Variants in PDE8B observed in about 807,000 individuals in gnomAD.
The protein encoded by PDE8B is high affinity cAMP-specific and IBMX-insensitive 3',5'-cyclic phosphodiesterase 8B.
In PDE8B, 26 loss-of-function variants were observed where a neutral mutation model predicts 101.3. That is an observed-to-expected ratio of 0.26 (90% CI 0.19 to 0.36). PDE8B has a LOEUF of 0.36. PDE8B is among the 10% of genes least tolerant of loss of function. The pLI is 1.00. For missense variants in PDE8B, 810 were observed against 1,163.1 expected (o/e 0.70, Z 4.42); for synonymous variants, 424 against 429.3 (o/e 0.99, Z 0.15).
intron 10 of PDE8B, among the ~76,000 whole-genome samples, chr5:77,398,365 A>T (rs760705460): frequency 2.3e-5 from 3 of 129,684 alleles, no homozygotes; most frequent in Non-Finnish European, 4.6e-5. Flanking sequence ...TCTGTTGCCC[A>T]GGCTGGAGTG....
chr5:77,322,429 T>C (rs1466185117), intron 2 of PDE8B, among the ~76,000 whole-genome samples: 1 of 152,166 alleles, frequency 6.6e-6, no homozygotes, highest in Non-Finnish European at 1.5e-5. Context: ...CCATGTGAAA[T>C]CCAGTTTTGT....
chr5:77,117,362 T>C, the PDE8B span, among the ~76,000 whole-genome samples: 1 of 152,200 alleles, frequency 6.6e-6, no homozygotes, highest in South Asian at 2.1e-4. Context: ...ATGTTCAGGA[T>C]GAGGAAGTCA....
chr5:77,408,811 C>A (rs913312208), intron 13 of PDE8B, 82 bp from the exon 14 acceptor site: 5 of 1,115,840 alleles, frequency 4.5e-6, no homozygotes, highest in East Asian at 2.4e-5. Context: ...CCACTGATTT[C>A]TTTTGGATTC....
chr5:77,331,373 G>A (rs1344921988), intron 4 of PDE8B, 29 bp from the exon 5 acceptor site: 12 of 1,604,776 alleles, frequency 7.5e-6, no homozygotes, highest in Non-Finnish European at 9.4e-6. Context: ...TGTATCTGCT[G>A]AGTGACCACA....
the PDE8B span, among the ~76,000 whole-genome samples, chr5:77,196,342 T>C: frequency 6.6e-6 from 1 of 152,198 alleles, no homozygotes. Context: ...TAAGAAACTA[T>C]TGTCAAATCC....
chr5:77,423,151 G>A (rs116727516), intron 20 of PDE8B, among the ~76,000 whole-genome samples: 64 of 152,278 alleles, frequency 4.2e-4, no homozygotes, highest in African/African-American at 1.3e-3. Context: ...TTAGGATAAT[G>A]GCCTCCAGCT....
In PDE8B at chr5:77,324,208, T is replaced by C. The variant is rs568835666; in HGVS notation, c.400-1331T>C. 2.2e-3 allele frequency among the ~76,000 whole-genome samples: 335 copies of C among 152,322 alleles called. 4 individuals are homozygous for C. The highest frequency in any genetic ancestry group is 7.8e-3 in the African/African-American group (325 of 41,566). ...TTGAGATTACTATAGGTTTTTCTTATTAGATCTATTGCTGGGAGGTGGTTT... is the reference window on the plus strand; with the variant it reads ...TTGAGATTACTATAGGTTTTTCTTACTAGATCTATTGCTGGGAGGTGGTTT... On this transcript the variant is annotated intron_variant, in intron 2 of 21. Coordinates refer to ENST00000264917, the MANE Select transcript of PDE8B (RefSeq NM_003719.5).
intron 1 of PDE8B, among the ~76,000 whole-genome samples, chr5:77,252,893 G>T: frequency 6.6e-6 from 1 of 151,956 alleles, no homozygotes; most frequent in Non-Finnish European, 1.5e-5. Context: ...TTTCTATTTC[G>T]ACCCTTCCAT....
At chr5:77,379,264 G>GA (rs1786987074) in intron 10 of PDE8B, among the ~76,000 whole-genome samples, 2 of 152,144 alleles carry the variant, frequency 1.3e-5, no homozygotes, top group South Asian at 4.1e-4. Context: ...TCTAACAGCA[G>GA]AAGAAGATAA....
chr5:77,243,711 AT>A (rs1375527172), intron 1 of PDE8B, among the ~76,000 whole-genome samples: 4 of 152,222 alleles, frequency 2.6e-5, no homozygotes, highest in Admixed American at 2.6e-4. Flanking sequence ...GTGTTCTACT[AT>A]ATGGATAGGA....
Position 77,404,810 on chromosome 5 carries a change from T to G in PDE8B, c.1288+13T>G, listed in dbSNP as rs2151035834. 1 of 1,523,554 alleles carries G rather than the reference T, an allele frequency of 6.6e-7. No individual in the cohort carries two copies. The highest frequency in any genetic ancestry group is 2.3e-5 in the East Asian group (1 of 44,356). The allele number at this position is 1,523,554 out of a possible 1,614,324, so 94.4% of individuals were successfully genotyped here. A position where few individuals can be genotyped will look rare whatever the true frequency, so the allele number is the denominator to read the frequency against. On this transcript the variant is annotated intron_variant, in intron 12 of 21. Coordinates refer to ENST00000264917, the MANE Select transcript of PDE8B (RefSeq NM_003719.5). ...CGAGGCAGTGATGGTAAGATGTTTT[T>G]CAGATTCCTCTGACCTTTTTAAAAT...
intron 1 of PDE8B, among the ~76,000 whole-genome samples, chr5:77,236,000 C>T (rs1458975686): frequency 6.6e-6 from 1 of 152,160 alleles, no homozygotes; most frequent in Non-Finnish European, 1.5e-5. Context: ...CAGGAAGTGG[C>T]AAAGTCACGA....
At chr5:77,225,347 C>G (rs779072632) in intron 1 of PDE8B, among the ~76,000 whole-genome samples, 1 of 152,214 alleles carries the variant, frequency 6.6e-6, no homozygotes, top group Non-Finnish European at 1.5e-5. Context: ...TTAGATGTGT[C>G]ATAGTCCATT....
intron 10 of PDE8B, among the ~76,000 whole-genome samples, chr5:77,364,994 C>G (rs571413582): frequency 8.1e-4 from 124 of 152,258 alleles, no homozygotes; most frequent in African/African-American, 2.1e-3. Flanking sequence ...AAGGCAGATT[C>G]ATAAGAAGCC....
the PDE8B span, among the ~76,000 whole-genome samples, chr5:77,177,265 C>A: frequency 2.0e-5 from 3 of 152,264 alleles, no homozygotes; most frequent in East Asian, 5.8e-4. Context: ...GTATCCCCCC[C>A]TTATCCGCAA....
At chr5:77,317,541 G>A (rs1032902672) in intron 2 of PDE8B, among the ~76,000 whole-genome samples, 2 of 152,170 alleles carry the variant, frequency 1.3e-5, no homozygotes, top group Non-Finnish European at 2.9e-5. Flanking sequence ...TGGTGCTGTG[G>A]AGCACGTCTC....
At chr5:77,406,302 A>T (rs940910022) in intron 12 of PDE8B, among the ~76,000 whole-genome samples, 1 of 152,176 alleles carries the variant, frequency 6.6e-6, no homozygotes, top group Non-Finnish European at 1.5e-5. Context: ...AATAAAAAAA[A>T]TTTAAAAAGT....
At chr5:77,350,639 A>G (rs1157528088) in intron 8 of PDE8B, among the ~76,000 whole-genome samples, 2 of 152,086 alleles carry the variant, frequency 1.3e-5, no homozygotes, top group African/African-American at 4.8e-5. Flanking sequence ...ACATGAATTT[A>G]TACGCAGATT....
chr5:77,109,897 T>G, the PDE8B span, among the ~76,000 whole-genome samples: 449 of 143,374 alleles, frequency 3.1e-3, 1 homozygote, highest in African/African-American at 0.011. Context: ...AATGAATCAC[T>G]AAAACATATT....
Sources: gnomAD v4.1 joint callset for allele counts (sites outside exome capture counted in the v4.1 genomes callset) on GRCh38, gnomAD v4.1.1 for gene constraint, MANE v1.5 for transcripts, NCBI Gene and HGNC (gene_info 2026-07-23, HGNC 2026-07-21) for gene names.